Variants in RANBP2 observed in about 807,000 individuals in gnomAD.
RANBP2 encodes the protein RAN binding protein 2, also known as E3 SUMO-protein ligase RanBP2.
In RANBP2, 57 loss-of-function variants were observed where a neutral mutation model predicts 303.6. That is an observed-to-expected ratio of 0.19 (90% CI 0.15 to 0.23). RANBP2 has a LOEUF of 0.23. Among genes scored for constraint, RANBP2 ranks in the 10% least tolerant of loss-of-function variants. The probability of loss-of-function intolerance (pLI) is 1.00; values close to 1 mark genes in which losing one functional copy is unlikely to be tolerated. For synonymous variants in RANBP2, 1,167 were observed against 1,301.5 expected, an observed-to-expected ratio of 0.90 and a Z score of 2.23; for missense variants, 3,138 against 3,780.8, an observed-to-expected ratio of 0.83 and a Z score of 4.46.
the RANBP2 span, among the ~76,000 whole-genome samples, chr2:109,352,606 G>A: frequency 3.9e-5 from 6 of 152,212 alleles, no homozygotes; most frequent in Non-Finnish European, 5.9e-5. Flanking sequence ...GCTCCACGTC[G>A]TTCTCTCCCT....
chr2:109,272,483 G>GC, the RANBP2 span, among the ~76,000 whole-genome samples: 1 of 152,236 alleles, frequency 6.6e-6, no homozygotes, highest in African/African-American at 2.4e-5. Flanking sequence ...GACGCAGGGA[G>GC]CCCCCTTCGC....
downstream of RANBP2, among the ~76,000 whole-genome samples, chr2:108,786,437 T>A (rs1398896225): frequency 2.0e-5 from 3 of 151,764 alleles, no homozygotes; most frequent in African/African-American, 7.3e-5. Context: ...TTAGCAAAGG[T>A]CACTTCTGAT....
chr2:108,994,794 T>TTA, the RANBP2 span, among the ~76,000 whole-genome samples: 1 of 114,826 alleles, frequency 8.7e-6, no homozygotes, highest in African/African-American at 3.6e-5. Flanking sequence ...GTGCATTGGG[T>TTA]TATATATATA....
chr2:108,912,217 A>G, the RANBP2 span, among the ~76,000 whole-genome samples: 2 of 152,250 alleles, frequency 1.3e-5, no homozygotes, highest in East Asian at 3.8e-4. Flanking sequence ...TCTGAGAGAC[A>G]TATTAAACTT....
chr2:109,653,160 G>A, the RANBP2 span, among the ~76,000 whole-genome samples: 6 of 152,228 alleles, frequency 3.9e-5, no homozygotes, highest in East Asian at 1.2e-3. Flanking sequence ...ACTTCGGGAG[G>A]CTGAGGCGGG....
the RANBP2 span, among the ~76,000 whole-genome samples, chr2:109,281,763 G>A: frequency 6.6e-6 from 1 of 152,174 alleles, no homozygotes; most frequent in Non-Finnish European, 1.5e-5. Flanking sequence ...GAGAGCAAGA[G>A]CAAGCCTGCA....
chr2:108,761,195 G>C (rs1407079269), intron 18 of RANBP2, among the ~76,000 whole-genome samples: 2 of 148,120 alleles, frequency 1.4e-5, no homozygotes, highest in African/African-American at 2.5e-5. Context: ...GGCCATTTCT[G>C]TCAGGTTGTT....
chr2:108,975,494 A>C, the RANBP2 span, among the ~76,000 whole-genome samples: 1 of 152,182 alleles, frequency 6.6e-6, no homozygotes. Context: ...AGCCTGGGTC[A>C]ACCCGCGGTA....
At chr2:108,779,352 A>T (rs540838445) in intron 25 of RANBP2, among the ~76,000 whole-genome samples, 141 of 151,718 alleles carry the variant, frequency 9.3e-4, no homozygotes, top group Non-Finnish European at 1.7e-3. Flanking sequence ...TTTAGTAGAG[A>T]TGGGGTTTCG....
the RANBP2 span, among the ~76,000 whole-genome samples, chr2:108,969,203 T>C: frequency 6.6e-6 from 1 of 152,116 alleles, no homozygotes; most frequent in Admixed American, 6.5e-5. Flanking sequence ...ACCCTGGCTT[T>C]GACAACCTTC....
chr2:109,642,243 T>C, the RANBP2 span, among the ~76,000 whole-genome samples: 1 of 152,188 alleles, frequency 6.6e-6, no homozygotes, highest in Non-Finnish European at 1.5e-5. Context: ...TTATTTTTCC[T>C]AATTTAACTT....
At chr2:109,632,681 G>A in the RANBP2 span, among the ~76,000 whole-genome samples, 3 of 152,056 alleles carry the variant, frequency 2.0e-5, no homozygotes, top group Non-Finnish European at 2.9e-5. Flanking sequence ...TTATCTGGGT[G>A]TGGTGGCGGG....
the RANBP2 span, among the ~76,000 whole-genome samples, chr2:108,821,100 G>A: frequency 3.4e-3 from 519 of 152,286 alleles, 1 homozygote; most frequent in Admixed American, 6.4e-3. Context: ...GCTCACGCCT[G>A]TAATCCTAGC....
At chr2:109,780,229 ATAAAG>A in the RANBP2 span, among the ~76,000 whole-genome samples, 2 of 88,336 alleles carry the variant, frequency 2.3e-5, no homozygotes, top group Non-Finnish European at 4.3e-5. Flanking sequence ...TTTCTTGGTA[ATAAAG>A]TAATTTATAT....
chr2:109,471,932 A>G, the RANBP2 span, among the ~76,000 whole-genome samples: 1 of 152,218 alleles, frequency 6.6e-6, no homozygotes, highest in African/African-American at 2.4e-5. Context: ...ACAGCAGTTC[A>G]TGTAACTTGG....
chr2:108,727,046 C>T (rs1337860974), intron 1 of RANBP2, among the ~76,000 whole-genome samples: 1 of 152,140 alleles, frequency 6.6e-6, no homozygotes, highest in Non-Finnish European at 1.5e-5. Flanking sequence ...TCTACACAGA[C>T]ACGGCAACCA....
At chr2:109,212,106 G>A in the RANBP2 span, among the ~76,000 whole-genome samples, 862 of 152,358 alleles carry the variant, frequency 5.7e-3, 5 homozygotes, top group African/African-American at 0.02. Context: ...GGTGGTTGGT[G>A]CGGCTTGCCG....
the RANBP2 span, chr2:109,567,685 T>C: frequency 1.1e-6 from 1 of 933,874 alleles, no homozygotes; most frequent in Non-Finnish European, 1.5e-6. Context: ...TACTGGACTT[T>C]TTGAAAATTC....
the RANBP2 span, among the ~76,000 whole-genome samples, chr2:108,921,051 C>T: frequency 6.6e-6 from 1 of 152,194 alleles, no homozygotes; most frequent in African/African-American, 2.4e-5. Flanking sequence ...GGGGGTGGGC[C>T]AAGCAATTCG....
Sources: gnomAD v4.1 joint callset for allele counts (sites outside exome capture counted in the v4.1 genomes callset) on GRCh38, gnomAD v4.1.1 for gene constraint, MANE v1.5 for transcripts, NCBI Gene and HGNC (gene_info 2026-07-23, HGNC 2026-07-21) for gene names.